The following GNAQ variants were observed in gnomAD, a reference collection of about 807,000 sequenced individuals.
GNAQ encodes the protein guanine nucleotide-binding protein G(q) subunit alpha.
In GNAQ, 8 loss-of-function variants were observed where a neutral mutation model predicts 43.9. The observed-to-expected ratio is 0.18, with a 90% CI of 0.11 to 0.33. The LOEUF (loss-of-function observed/expected upper bound fraction) is 0.33. GNAQ is among the 10% of genes least tolerant of loss of function. GNAQ has a pLI of 1.00. For missense variants in GNAQ, 158 were observed against 450.8 expected, an observed-to-expected ratio of 0.35 and a Z score of 5.88; for synonymous variants, 155 against 170.7, an observed-to-expected ratio of 0.91 and a Z score of 0.71.
intron 5 of GNAQ, among the ~76,000 whole-genome samples, chr9:77,764,492 G>C (rs1025607895): frequency 4.0e-5 from 6 of 148,782 alleles, no homozygotes; most frequent in African/African-American, 1.5e-4. Flanking sequence ...GTCTCTCTCT[G>C]TCACCCAGGC....
intron 5 of GNAQ, among the ~76,000 whole-genome samples, chr9:77,755,721 G>A (rs867992998): frequency 4.6e-5 from 7 of 152,068 alleles, no homozygotes; most frequent in Non-Finnish European, 5.9e-5. Context: ...GTGCATTTCC[G>A]GTTGTATGAA....
At chr9:77,878,873 C>CCAT (rs1251173616) in intron 2 of GNAQ, among the ~76,000 whole-genome samples, 1 of 151,922 alleles carries the variant, frequency 6.6e-6, no homozygotes, top group Non-Finnish European at 1.5e-5. Context: ...TGATGAAACC[C>CCAT]CATCTCTACC....
intron 2 of GNAQ, among the ~76,000 whole-genome samples, chr9:77,842,397 C>G (rs1827507210): frequency 6.6e-6 from 1 of 152,296 alleles, no homozygotes; most frequent in South Asian, 2.1e-4. Flanking sequence ...AAACAACATT[C>G]CTTGGCTGAG....
chr9:77,919,261 C>T (rs1828960949), intron 2 of GNAQ, among the ~76,000 whole-genome samples: 1 of 152,100 alleles, frequency 6.6e-6, no homozygotes, highest in Admixed American at 6.6e-5. Flanking sequence ...TTTTTGAGCA[C>T]TTACTATGTA....
At chr9:77,987,818 CCCAGACATTCAAGT>C (rs1325247884) in intron 1 of GNAQ, among the ~76,000 whole-genome samples, 1 of 152,068 alleles carries the variant, frequency 6.6e-6, no homozygotes, top group Non-Finnish European at 1.5e-5. Context: ...ATCACTTAAG[CCCAGACATTCAAGT>C]CCAGTGTGGG....
intron 1 of GNAQ, among the ~76,000 whole-genome samples, chr9:78,003,317 C>T (rs1319675705): frequency 6.6e-6 from 1 of 152,132 alleles, no homozygotes; most frequent in African/African-American, 2.4e-5. Context: ...TCTCTTGAGC[C>T]GTATTCTCTA....
rs554122952 is a variant in GNAQ at position 77,935,991 on chromosome 9, C to A, written c.137-13646G>T. On this transcript the variant is annotated intron_variant, in intron 1 of 6. Transcript: ENST00000286548. ...AGGATCTCTTTGCTCGGAAGTATCA[C>A]ACCTTGAAATGTATAACAAGCAGGC... 8.5e-5 allele frequency among the ~76,000 whole-genome samples: 13 copies of A among 152,282 alleles called. No individual in the cohort carries two copies. The East Asian group carries it at 2.5e-3, about 29-fold the overall frequency.
At chr9:77,807,504 T>C (rs1193968038) in intron 3 of GNAQ, among the ~76,000 whole-genome samples, 1 of 152,216 alleles carries the variant, frequency 6.6e-6, no homozygotes, top group African/African-American at 2.4e-5. Flanking sequence ...TGGTCATTCA[T>C]GCCATTTTTA....
intron 5 of GNAQ, among the ~76,000 whole-genome samples, chr9:77,748,145 A>G (rs1233503580): frequency 2.0e-5 from 3 of 152,190 alleles, no homozygotes; most frequent in Non-Finnish European, 4.4e-5. Flanking sequence ...TTTCAGATGA[A>G]ATAAAATCCA....
intron 2 of GNAQ, among the ~76,000 whole-genome samples, chr9:77,865,649 A>T (rs1827936195): frequency 3.9e-5 from 6 of 152,202 alleles, no homozygotes; most frequent in Admixed American, 3.9e-4. Context: ...AGGTGTTCAG[A>T]GTTCCAGGCC....
chr9:77,889,696 T>C (rs1335876912), intron 2 of GNAQ, among the ~76,000 whole-genome samples: 1 of 152,274 alleles, frequency 6.6e-6, no homozygotes, highest in East Asian at 1.9e-4. Context: ...CTCTTCCCTT[T>C]ATTATCACAG....
chr9:78,020,479 C>G (rs1390255173), intron 1 of GNAQ, among the ~76,000 whole-genome samples: 2 of 152,118 alleles, frequency 1.3e-5, no homozygotes, highest in Non-Finnish European at 2.9e-5. Flanking sequence ...ACAAACTACT[C>G]CCATTCCACC....
intron 5 of GNAQ, among the ~76,000 whole-genome samples, chr9:77,731,688 C>T (rs7855560): frequency 0.04 from 6,116 of 152,176 alleles, 351 homozygotes; most frequent in African/African-American, 0.13. Context: ...CACATGGGGT[C>T]GTCTTAAAAC....
chr9:78,018,812 A>G (rs1823870137), intron 1 of GNAQ, among the ~76,000 whole-genome samples: 1 of 152,220 alleles, frequency 6.6e-6, no homozygotes, highest in Non-Finnish European at 1.5e-5. Flanking sequence ...ACATTATAGT[A>G]TAAAACATAA....
chr9:77,865,202 C>A (rs1462511336), intron 2 of GNAQ, among the ~76,000 whole-genome samples: 2 of 152,146 alleles, frequency 1.3e-5, no homozygotes, highest in African/African-American at 4.8e-5. Context: ...CCACTGAGGC[C>A]AATCATCAGA....
intron 3 of GNAQ, among the ~76,000 whole-genome samples, chr9:77,806,867 T>C (rs919828974): frequency 1.3e-5 from 2 of 152,122 alleles, no homozygotes; most frequent in Non-Finnish European, 2.9e-5. Flanking sequence ...GAAAAACGTG[T>C]TATAAATAAC....
chr9:77,785,547 T>A (rs745739078), intron 5 of GNAQ, among the ~76,000 whole-genome samples: 7 of 152,222 alleles, frequency 4.6e-5, no homozygotes, highest in Non-Finnish European at 8.8e-5. Flanking sequence ...AATATCTATT[T>A]ATTGTGGCAG....
chr9:77,718,635 G>C lies in GNAQ; in HGVS notation c.*2688C>G, dbSNP rs1405693071. ...ACATTTACTATAGCTCTATTAAATA[G>C]AATATCTTGATTCCCTAAAACTGTA... On this transcript the variant is annotated 3_prime_UTR_variant, in exon 7 of 7. Coordinates refer to ENST00000286548, the MANE Select transcript of GNAQ (RefSeq NM_002072.5). 1 of 224,550 alleles carries C rather than the reference G, an allele frequency of 4.5e-6. No homozygotes were observed. Among genetic ancestry groups the C allele is most frequent in the African/African-American group, 2.2e-5 (1 of 44,690 alleles). 13.9% of individuals were successfully genotyped at this position (224,550 alleles called of 1,614,324 possible). A position where few individuals can be genotyped will look rare whatever the true frequency, so the allele number is the denominator to read the frequency against.
chr9:77,875,715 C>G (rs2118044706), intron 2 of GNAQ, among the ~76,000 whole-genome samples: 1 of 152,306 alleles, frequency 6.6e-6, no homozygotes, highest in Middle Eastern at 3.4e-3. Flanking sequence ...TTCAATCATG[C>G]ACCCAATGGG....
Sources: gnomAD v4.1 joint callset for allele counts (sites outside exome capture counted in the v4.1 genomes callset) on GRCh38, gnomAD v4.1.1 for gene constraint, MANE v1.5 for transcripts, NCBI Gene and HGNC (gene_info 2026-07-23, HGNC 2026-07-21) for gene names.